The following GAB1 variants were observed in gnomAD, a reference collection of about 807,000 sequenced individuals.
GAB1 encodes the protein GRB2 associated binding protein 1, also known as GRB2-associated-binding protein 1.
GAB1 carries 19 observed loss-of-function variants against 66.5 expected under a neutral mutation model. The ratio of observed to expected loss-of-function variants is 0.29; its 90% CI spans 0.20 to 0.42. The LOEUF is 0.42. Among genes scored for constraint, GAB1 ranks in the 10% least tolerant of loss-of-function variants. The probability of loss-of-function intolerance (pLI) is 1.00; values close to 1 mark genes in which losing one functional copy is unlikely to be tolerated. For missense variants in GAB1, 732 were observed against 858.5 expected, an observed-to-expected ratio of 0.85 and a Z score of 1.84; for synonymous variants, 294 against 301.4, an observed-to-expected ratio of 0.98 and a Z score of 0.25.
At chr4:143,424,927 C>T in intron 2 of GAB1, 1 of 553,600 alleles carries the variant, frequency 1.8e-6, no homozygotes, top group Non-Finnish European at 3.2e-6. Context: ...TGCACTCCAG[C>T]CTGGTGGCAG....
intron 6 of GAB1, among the ~76,000 whole-genome samples, chr4:143,448,038 G>C (rs962397227): frequency 6.6e-5 from 10 of 152,080 alleles, no homozygotes; most frequent in Non-Finnish European, 1.3e-4. Flanking sequence ...TGCATCTATT[G>C]AGATAATCAT....
chr4:143,345,911 A>G (rs955506575), intron 1 of GAB1, among the ~76,000 whole-genome samples: 5 of 152,238 alleles, frequency 3.3e-5, no homozygotes, highest in African/African-American at 1.2e-4. Context: ...TAAATAGAAA[A>G]TAGAGACAGG....
intron 1 of GAB1, among the ~76,000 whole-genome samples, chr4:143,362,121 T>C (rs1729687258): frequency 6.6e-6 from 1 of 152,006 alleles, no homozygotes; most frequent in Admixed American, 6.6e-5. Context: ...CTGGGTAACC[T>C]AAAAGAATCA....
chr4:143,470,449 T>C lies in GAB1; in HGVS notation c.*1260T>C, dbSNP rs998375880. 2 of 152,214 alleles carry C rather than the reference T, an allele frequency of 1.3e-5. No individual in the cohort carries two copies. The highest frequency in any genetic ancestry group is 2.9e-5 in the Non-Finnish European group (2 of 68,026). 9.4% of individuals were successfully genotyped at this position (152,214 alleles called of 1,614,324 possible). A position where few individuals can be genotyped will look rare whatever the true frequency, so the allele number is the denominator to read the frequency against. On this transcript the variant is annotated 3_prime_UTR_variant, in exon 10 of 10. Coordinates refer to ENST00000262994, the MANE Select transcript of GAB1 (RefSeq NM_002039.4). The stretch of plus-strand genomic sequence containing the variant: ...AGCCTTGCTACAATGTGAAATGTTA[T>C]AGTCATGGACTCCTTCCAACCAGAT...
In GAB1 at chr4:143,433,576, A is replaced by C. The variant is rs766476491; in HGVS notation, c.453A>C (p.Ala151=). Residue 151 remains alanine (A), a synonymous_variant, in exon 3 of 10, where the codon GCA becomes GCC. Coordinates refer to ENST00000262994, the MANE Select transcript of GAB1 (RefSeq NM_002039.4). ...AINTAPPSTQ[A]DSSSATLPPP... ...ATACAGCACCACCATCCACCCAGGCAGATTCATCCTCTGCTACTCTACCTC... is the reference window on the plus strand; with the variant it reads ...ATACAGCACCACCATCCACCCAGGCCGATTCATCCTCTGCTACTCTACCTC... 5.0e-6 allele frequency: 8 copies of C among 1,614,026 alleles called. No individual in the cohort carries two copies. The highest frequency in any genetic ancestry group is 6.8e-6 in the Non-Finnish European group (8 of 1,179,908).
chr4:143,452,591 G>A (rs1356380536), intron 6 of GAB1, among the ~76,000 whole-genome samples: 1 of 152,006 alleles, frequency 6.6e-6, no homozygotes, highest in Non-Finnish European at 1.5e-5. Flanking sequence ...AATGACATTG[G>A]GCAAATCCGT....
intron 2 of GAB1, chr4:143,425,976 G>A: frequency 1.4e-6 from 1 of 697,272 alleles, no homozygotes; most frequent in Non-Finnish European, 2.4e-6. Context: ...ATAAACATCA[G>A]TATCTAAATA....
At chr4:143,378,629 GTCTCTCTCTC>G (rs3049720) in intron 1 of GAB1, among the ~76,000 whole-genome samples, 7,309 of 129,234 alleles carry the variant, frequency 0.057, 233 homozygotes, top group African/African-American at 0.098. Flanking sequence ...CTTCCAAAGT[GTCTCTCTCTC>G]TCTCTCTCTC....
At chr4:143,433,900 G>T (rs1733807468) in intron 3 of GAB1, among the ~76,000 whole-genome samples, 184 bp downstream of exon 3, 1 of 152,134 alleles carries the variant, frequency 6.6e-6, no homozygotes, top group Non-Finnish European at 1.5e-5. Flanking sequence ...CGATATTCAG[G>T]AGATTGTATC....
chr4:143,387,624 G>T (rs1278856518), intron 1 of GAB1, among the ~76,000 whole-genome samples: 1 of 152,116 alleles, frequency 6.6e-6, no homozygotes, highest in Non-Finnish European at 1.5e-5. Flanking sequence ...TTCGATTCTT[G>T]CTTATCAGCA....
intron 1 of GAB1, among the ~76,000 whole-genome samples, chr4:143,359,794 G>T (rs968739388): frequency 1.3e-5 from 2 of 152,186 alleles, no homozygotes; most frequent in Non-Finnish European, 2.9e-5. Context: ...GTGGCAAAGG[G>T]TGTTTGTTAA....
At position 143,472,768 on chromosome 4, in the gene GAB1, G is replaced by A. The variant is rs892170582; in HGVS notation, c.*3579G>A. On this transcript the variant is annotated 3_prime_UTR_variant, in exon 10 of 10. Coordinates refer to ENST00000262994, the MANE Select transcript of GAB1 (RefSeq NM_002039.4). ...AGCAATCAGGTCCGTGACAGGGATT[G>A]GACATATGAACAAATTAAGTGGATA... is the stretch of plus-strand genomic sequence containing the variant. 2 of 152,072 alleles carry A rather than the reference G, an allele frequency of 1.3e-5. No homozygotes were observed. Among genetic ancestry groups the A allele is most frequent in the Non-Finnish European group, 2.9e-5 (2 of 68,018 alleles). 9.4% of individuals were successfully genotyped at this position (152,072 alleles called of 1,614,324 possible).
At chr4:143,425,789 T>G (rs556485498) in intron 2 of GAB1, 1 of 783,168 alleles carries the variant, frequency 1.3e-6, no homozygotes, top group African/African-American at 1.7e-5. Flanking sequence ...CACACTGATC[T>G]GAAGGCATGC....
chr4:143,454,143 A>C (rs1735064807), intron 6 of GAB1, among the ~76,000 whole-genome samples: 1 of 152,268 alleles, frequency 6.6e-6, no homozygotes, highest in Non-Finnish European at 1.5e-5. Context: ...AGAGCAGAGC[A>C]CAATTCAAGA....
At chr4:143,374,612 A>C (rs1233543733) in intron 1 of GAB1, among the ~76,000 whole-genome samples, 1 of 152,244 alleles carries the variant, frequency 6.6e-6, no homozygotes, top group African/African-American at 2.4e-5. Context: ...AGTCATAGTT[A>C]GGTTTACTAT....
At chr4:143,448,577 G>A (rs1424669251) in intron 6 of GAB1, among the ~76,000 whole-genome samples, 18 of 147,554 alleles carry the variant, frequency 1.2e-4, no homozygotes, top group African/African-American at 1.8e-4. Context: ...GTTTATTTGC[G>A]TAGAGGTGTT....
At position 143,419,070 on chromosome 4, in the gene GAB1, A is replaced by G. The variant is rs549983035; in HGVS notation, c.367+3299A>G. 1.4e-3 allele frequency among the ~76,000 whole-genome samples: 209 copies of G among 152,292 alleles called. 1 individual carries two copies. Among genetic ancestry groups the G allele is most frequent in the Non-Finnish European group, 1.1e-3 (75 of 68,014 alleles). The stretch of plus-strand genomic sequence containing the variant: ...TTCAGCAAATATATATTAGGTGATT[A>G]GTTAAGGAGACAAAAGGTAAACATC... On this transcript the variant is annotated intron_variant, in intron 2 of 9. Transcript: ENST00000262994.
chr4:143,404,439 CATTACACAATTTAA>C (rs1731937677), intron 1 of GAB1, among the ~76,000 whole-genome samples: 3 of 152,196 alleles, frequency 2.0e-5, no homozygotes. Flanking sequence ...CTTACAGTAG[CATTACACAATTTAA>C]ATATTTGTTG....
At chr4:143,363,069 A>T (rs1729728525) in intron 1 of GAB1, among the ~76,000 whole-genome samples, 1 of 152,160 alleles carries the variant, frequency 6.6e-6, no homozygotes, top group African/African-American at 2.4e-5. Context: ...AACTTCCCAA[A>T]ATCACACAGT....
Sources: gnomAD v4.1 joint callset for allele counts (sites outside exome capture counted in the v4.1 genomes callset) on GRCh38, gnomAD v4.1.1 for gene constraint, MANE v1.5 for transcripts, NCBI Gene and HGNC (gene_info 2026-07-23, HGNC 2026-07-21) for gene names.